Variants in PDE1C observed in about 807,000 individuals in gnomAD.
PDE1C encodes the protein phosphodiesterase 1C.
In PDE1C, 62 loss-of-function variants were observed where a neutral mutation model predicts 93.1. The observed-to-expected ratio is 0.67, with a 90% CI of 0.54 to 0.82. PDE1C has a LOEUF of 0.82. Among genes scored for constraint, PDE1C ranks in the 40% least tolerant of loss-of-function variants. The pLI is 0.00. For synonymous variants in PDE1C, 325 were observed against 310.1 expected, an observed-to-expected ratio of 1.05 and a Z score of -0.50; for missense variants, 742 against 884.6, an observed-to-expected ratio of 0.84 and a Z score of 2.04.
At chr7:31,693,201 G>A in the PDE1C span, among the ~76,000 whole-genome samples, 1 of 152,082 alleles carries the variant, frequency 6.6e-6, no homozygotes, top group African/African-American at 2.4e-5. Context: ...TCCAAAAATG[G>A]GGAAAAGTGC....
At chr7:32,418,742 A>G (rs1048199158) in intron 1 of PDE1C, among the ~76,000 whole-genome samples, 1 of 152,156 alleles carries the variant, frequency 6.6e-6, no homozygotes, top group African/African-American at 2.4e-5. Flanking sequence ...ATAAAGTCCC[A>G]AACAAACAAA....
intron 1 of PDE1C, among the ~76,000 whole-genome samples, chr7:32,268,266 C>A (rs575312245): frequency 6.6e-6 from 1 of 152,218 alleles, no homozygotes; most frequent in Non-Finnish European, 1.5e-5. Context: ...CTGGTGACTA[C>A]AGGGGCAGGA....
Position 31,879,015 on chromosome 7 carries a change from C to A in PDE1C, c.406G>T (p.Ala136Ser). Reference sequence around the variant, plus strand: ...CTTTACCTCTCCACAAATATCCCAGCCTGCACTGCGTGAACGATGCTCTTG... The same window carrying A: ...CTTTACCTCTCCACAAATATCCCAGACTGCACTGCGTGAACGATGCTCTTG... ...RFKSIVHAVQ[A>S]GIFVERMYRR... is the part of the protein sequence containing the mutation. The change falls in exon 4 of 18, where the codon GCT (alanine) becomes TCT (serine). Residue 136 changes from alanine to serine, a missense_variant. Transcript: ENST00000396191. The A allele has an allele frequency of 2.5e-6, 4 of 1,614,068 alleles. No individual in the cohort carries two copies. The highest frequency in any genetic ancestry group is 3.4e-6 in the Non-Finnish European group (4 of 1,179,928).
intron 2 of PDE1C, among the ~76,000 whole-genome samples, chr7:32,015,440 G>A (rs548894946): frequency 2.0e-5 from 3 of 152,142 alleles, no homozygotes; most frequent in Admixed American, 2.0e-4. Flanking sequence ...TGTCAGTTAA[G>A]GGACTACAAG....
At chr7:32,311,851 G>A (rs1201890640) in intron 1 of PDE1C, among the ~76,000 whole-genome samples, 4 of 152,186 alleles carry the variant, frequency 2.6e-5, no homozygotes, top group Non-Finnish European at 4.4e-5. Context: ...GCACAAGACA[G>A]GCATGCCCTC....
chr7:31,686,190 A>G, the PDE1C span, among the ~76,000 whole-genome samples: 1 of 152,162 alleles, frequency 6.6e-6, no homozygotes, highest in African/African-American at 2.4e-5. Context: ...ATTGGCTGCT[A>G]TCAGGGGGTC....
At chr7:31,657,795 C>T in the PDE1C span, among the ~76,000 whole-genome samples, 1 of 151,978 alleles carries the variant, frequency 6.6e-6, no homozygotes, top group African/African-American at 2.4e-5. Flanking sequence ...AAAGTTAGCA[C>T]AGCAAAACTT....
chr7:31,637,897 T>C, the PDE1C span, among the ~76,000 whole-genome samples: 2 of 152,226 alleles, frequency 1.3e-5, no homozygotes, highest in East Asian at 3.8e-4. Context: ...TTAATCCATC[T>C]TGAATTAATT....
chr7:31,968,291 C>T (rs894030547), intron 2 of PDE1C, among the ~76,000 whole-genome samples: 2 of 152,112 alleles, frequency 1.3e-5, no homozygotes, highest in Admixed American at 6.5e-5. Context: ...GTGCAAAAAT[C>T]ACAAGCATTC....
At chr7:32,282,347 C>T (rs1290237715) in intron 1 of PDE1C, among the ~76,000 whole-genome samples, 1 of 151,144 alleles carries the variant, frequency 6.6e-6, no homozygotes, top group Non-Finnish European at 1.5e-5. Context: ...GTGGTGGCAC[C>T]TGCCTGCAAT....
At chr7:32,094,745 T>G (rs977694739) in intron 3 of PDE1C, among the ~76,000 whole-genome samples, 1 of 152,200 alleles carries the variant, frequency 6.6e-6, no homozygotes, top group Admixed American at 6.5e-5. Context: ...CTTTCAGTGG[T>G]TTCCTATTAC....
At chr7:32,213,283 T>G (rs1221300075) in intron 1 of PDE1C, among the ~76,000 whole-genome samples, 1 of 152,184 alleles carries the variant, frequency 6.6e-6, no homozygotes, top group Non-Finnish European at 1.5e-5. Flanking sequence ...CTGGGGCGAT[T>G]GGAACACAAG....
At chr7:31,744,428 A>C in the PDE1C span, among the ~76,000 whole-genome samples, 5 of 152,130 alleles carry the variant, frequency 3.3e-5, no homozygotes, top group African/African-American at 1.2e-4. Context: ...CCAGCTAAAA[A>C]CTACCTTGAA....
the PDE1C span, chr7:31,643,830 A>T: frequency 2.5e-6 from 4 of 1,613,926 alleles, no homozygotes; most frequent in Non-Finnish European, 3.4e-6. Context: ...GGGAGAGGCA[A>T]AGCCCTGGCC....
At chr7:32,249,735 A>T (rs1160517275) in intron 1 of PDE1C, among the ~76,000 whole-genome samples, 3 of 152,168 alleles carry the variant, frequency 2.0e-5, no homozygotes, top group Non-Finnish European at 4.4e-5. Context: ...TCAATTTTGC[A>T]GATAAAAAAA....
chr7:32,131,193 C>T (rs1799901833), intron 3 of PDE1C, among the ~76,000 whole-genome samples: 1 of 152,140 alleles, frequency 6.6e-6, no homozygotes, highest in Admixed American at 6.6e-5. Context: ...GAAGCAATTA[C>T]ACTCACTCTT....
intron 1 of PDE1C, among the ~76,000 whole-genome samples, chr7:32,293,992 G>T (rs929177691): frequency 6.6e-6 from 1 of 152,090 alleles, no homozygotes; most frequent in Non-Finnish European, 1.5e-5. Context: ...GAGGCCGGGG[G>T]CCTCTCTGCC....
intron 4 of PDE1C, 50 bp downstream of exon 4, chr7:31,878,946 T>C: frequency 6.5e-7 from 1 of 1,535,768 alleles, no homozygotes; most frequent in Non-Finnish European, 9.0e-7. Flanking sequence ...ATTGGAAACG[T>C]GTTGCTTTGG....
At chr7:31,960,487 G>T (rs1355521579) in intron 2 of PDE1C, among the ~76,000 whole-genome samples, 2 of 152,216 alleles carry the variant, frequency 1.3e-5, no homozygotes, top group African/African-American at 2.4e-5. Flanking sequence ...GGAGGATACT[G>T]TGTATAAAGA....
Sources: gnomAD v4.1 joint callset for allele counts (sites outside exome capture counted in the v4.1 genomes callset) on GRCh38, gnomAD v4.1.1 for gene constraint, MANE v1.5 for transcripts, NCBI Gene and HGNC (gene_info 2026-07-23, HGNC 2026-07-21) for gene names.